CNTNAP2: variants seen among roughly 807,000 people sequenced by gnomAD.
CNTNAP2 encodes the protein contactin associated protein 2, also known as contactin-associated protein-like 2.
In CNTNAP2, 98 loss-of-function variants were observed where a neutral mutation model predicts 155.2. That is an observed-to-expected ratio of 0.63 (90% confidence interval 0.54 to 0.75). The LOEUF (loss-of-function observed/expected upper bound fraction) is 0.75, where lower values mean the gene tolerates loss of function less well. CNTNAP2 is among the 30% of genes least tolerant of loss of function. CNTNAP2 has a pLI of 0.00. For synonymous variants in CNTNAP2, 651 were observed against 631.2 expected (o/e 1.03, Z -0.47); for missense variants, 1,727 against 1,688.1 (o/e 1.02, Z -0.40).
chr7:146,370,131 T>A (rs912741024), intron 1 of CNTNAP2, among the ~76,000 whole-genome samples: 2 of 151,550 alleles, frequency 1.3e-5, no homozygotes, highest in South Asian at 4.2e-4. Context: ...AAAAAAAAGT[T>A]TTTTCTTGCT....
intron 8 of CNTNAP2, among the ~76,000 whole-genome samples, chr7:147,245,382 G>C (rs955004602): frequency 6.6e-6 from 1 of 152,098 alleles, no homozygotes; most frequent in Admixed American, 6.5e-5. Context: ...CTGTGGGGTA[G>C]CAAATAAGCC....
chr7:146,231,023 T>TAAAA (rs1799374363), intron 1 of CNTNAP2, among the ~76,000 whole-genome samples: 1 of 106,476 alleles, frequency 9.4e-6, no homozygotes, highest in African/African-American at 3.1e-5. Flanking sequence ...TCAAAATAAA[T>TAAAA]AAATAAATAA....
intron 13 of CNTNAP2, among the ~76,000 whole-genome samples, chr7:147,788,893 TC>T (rs1797776173): frequency 7.1e-6 from 1 of 141,564 alleles, no homozygotes. Context: ...ACTTTTTTTT[TC>T]TTTTTCTTTT....
intron 1 of CNTNAP2, among the ~76,000 whole-genome samples, chr7:146,634,585 T>G (rs1266576737): frequency 6.6e-6 from 1 of 152,192 alleles, no homozygotes; most frequent in Non-Finnish European, 1.5e-5. Flanking sequence ...GATGTGACAT[T>G]TAATCTGATT....
chr7:148,197,659 CA>C (rs912716916), intron 18 of CNTNAP2, among the ~76,000 whole-genome samples: 2 of 152,124 alleles, frequency 1.3e-5, no homozygotes, highest in African/African-American at 4.8e-5. Flanking sequence ...CACACATACA[CA>C]AAGAAAAATT....
chr7:147,622,823 C>CAA (rs1196890017), intron 12 of CNTNAP2, among the ~76,000 whole-genome samples: 4 of 151,526 alleles, frequency 2.6e-5, no homozygotes, highest in African/African-American at 9.7e-5. Flanking sequence ...TACAAAAGAC[C>CAA]AATGAAACAA....
intron 13 of CNTNAP2, among the ~76,000 whole-genome samples, chr7:147,802,988 A>G (rs1320259449): frequency 1.3e-5 from 2 of 152,164 alleles, no homozygotes; most frequent in African/African-American, 4.8e-5. Context: ...AATGAAACCT[A>G]ATAAACAGAC....
At chr7:147,829,358 T>A (rs1798512513) in intron 13 of CNTNAP2, among the ~76,000 whole-genome samples, 1 of 152,276 alleles carries the variant, frequency 6.6e-6, no homozygotes, top group South Asian at 2.1e-4. Context: ...TACCGGGAAA[T>A]TAATACGAGC....
intron 21 of CNTNAP2, among the ~76,000 whole-genome samples, chr7:148,371,816 G>C (rs758336499): frequency 6.6e-6 from 1 of 152,166 alleles, no homozygotes; most frequent in Non-Finnish European, 1.5e-5. Flanking sequence ...GACATGTGCA[G>C]CACGCCACTG....
intron 21 of CNTNAP2, among the ~76,000 whole-genome samples, chr7:148,325,260 A>G (rs940309834): frequency 5.3e-5 from 8 of 152,270 alleles, no homozygotes; most frequent in African/African-American, 1.9e-4. Context: ...GCCTGTTTAT[A>G]AAAGTAGTTT....
At chr7:147,761,673 A>G (rs1482324591) in intron 13 of CNTNAP2, among the ~76,000 whole-genome samples, 2 of 152,214 alleles carry the variant, frequency 1.3e-5, no homozygotes, top group Non-Finnish European at 2.9e-5. Flanking sequence ...TAATAGCACC[A>G]TAAGTTATAT....
chr7:147,924,156 T>TTTTTTTA (rs1800339694), intron 14 of CNTNAP2, among the ~76,000 whole-genome samples: 1 of 148,092 alleles, frequency 6.8e-6, no homozygotes, highest in Non-Finnish European at 1.5e-5. Context: ...TTTTTTTTTT[T>TTTTTTTA]GAGACAGAGT....
intron 15 of CNTNAP2, among the ~76,000 whole-genome samples, chr7:148,040,055 G>C (rs1410428478): frequency 1.3e-5 from 2 of 152,112 alleles, no homozygotes; most frequent in Non-Finnish European, 2.9e-5. Flanking sequence ...ATTAGAACTT[G>C]TTAGTTTTGG....
chr7:147,992,450 C>G (rs1801728477), intron 15 of CNTNAP2, among the ~76,000 whole-genome samples: 1 of 152,072 alleles, frequency 6.6e-6, no homozygotes, highest in African/African-American at 2.4e-5. Flanking sequence ...ATTCAAAAGT[C>G]GCCATGTGTA....
intron 3 of CNTNAP2, among the ~76,000 whole-genome samples, chr7:146,861,498 T>C (rs1439802772): frequency 1.3e-5 from 2 of 152,182 alleles, no homozygotes; most frequent in East Asian, 1.9e-4. Flanking sequence ...ATTATACTAA[T>C]GCATCATAAT....
At chr7:146,193,493 C>T (rs987880774) in intron 1 of CNTNAP2, among the ~76,000 whole-genome samples, 2 of 152,234 alleles carry the variant, frequency 1.3e-5, no homozygotes, top group African/African-American at 4.8e-5. Context: ...TTGGGGCTTG[C>T]ACCCTCTGAA....
chr7:147,706,934 A>G (rs1044888944), intron 13 of CNTNAP2, among the ~76,000 whole-genome samples: 3 of 151,826 alleles, frequency 2.0e-5, no homozygotes, highest in African/African-American at 7.3e-5. Flanking sequence ...TTTCAAATGT[A>G]TTTTTTATTT....
chr7:148,313,433 C>G (rs973111025), intron 21 of CNTNAP2, among the ~76,000 whole-genome samples: 1 of 151,616 alleles, frequency 6.6e-6, no homozygotes. Context: ...AGTGGGGTCC[C>G]GCACAGATGG....
rs373376355 is a variant in CNTNAP2, at chr7:147,151,396, G to A, written c.1348+18887G>A. Among the ~76,000 whole-genome samples, 73 of 151,988 alleles carry A rather than the reference G, an allele frequency of 4.8e-4. 1 individual carries two copies. The highest frequency in any genetic ancestry group is 3.4e-3 in the Middle Eastern group (1 of 294). On this transcript the variant is annotated intron_variant, in intron 8 of 23. Coordinates refer to ENST00000361727, the MANE Select transcript of CNTNAP2 (RefSeq NM_014141.6). ...CTGTGAAAAAAGTGAGAAATAGGCC[G>A]ACAAAATGATAGTAAAGTCACATAT...
Sources: allele counts gnomAD v4.1 joint callset (sites outside exome capture counted in the v4.1 genomes callset), GRCh38; gene constraint gnomAD v4.1.1; transcripts MANE v1.5; gene names NCBI Gene and HGNC (gene_info 2026-07-23, HGNC 2026-07-21).